FGF1: variants seen among roughly 807,000 people sequenced by gnomAD.
FGF1 encodes the protein fibroblast growth factor 1, also known as beta-endothelial cell growth factor.
FGF1 carries 9 observed loss-of-function variants against 13.4 expected under a neutral mutation model. That is an observed-to-expected ratio of 0.67 (90% confidence interval 0.40 to 1.17). FGF1 has a LOEUF of 1.17. FGF1 is among the 50% of genes most tolerant of loss of function. The pLI is 0.01. For synonymous variants in FGF1, 93 were observed against 79.0 expected (o/e 1.18, Z -0.94); for missense variants, 156 against 192.7 (o/e 0.81, Z 1.13).
In FGF1 at chr5:142,665,045, A is replaced by G. The variant is rs189687970; in HGVS notation, c.-35+20912T>C. ...GAAAAACAGTAACATTGCCTTATGT[A>G]ACAGTATTACATTTTATAAAAAGTG... On this transcript the variant is annotated intron_variant, in intron 1 of 3. Transcript: ENST00000337706. Among the ~76,000 whole-genome samples the G allele has an allele frequency of 5.6e-3, 854 of 152,344 alleles. 3 individuals are homozygous for G. The highest frequency in any genetic ancestry group is 6.5e-3 in the Non-Finnish European group (443 of 68,038).
intron 1 of FGF1, among the ~76,000 whole-genome samples, chr5:142,664,423 T>G (rs755162387): frequency 2.6e-5 from 4 of 152,216 alleles, no homozygotes; most frequent in Admixed American, 6.5e-5. Context: ...GTAGTGGTGA[T>G]ACAAAAGGGC....
intron 1 of FGF1, among the ~76,000 whole-genome samples, chr5:142,637,324 GTT>G (rs34766539): frequency 0.02 from 2,769 of 141,588 alleles, 65 homozygotes; most frequent in African/African-American, 0.04. Context: ...CGGCGTTTTT[GTT>G]TTTTTTTTTT....
upstream of FGF1, among the ~76,000 whole-genome samples, chr5:142,687,092 G>C (rs1751370202): frequency 6.6e-6 from 1 of 151,734 alleles, no homozygotes; most frequent in South Asian, 2.1e-4. Flanking sequence ...GCTTATGCAG[G>C]CGTTTGAGCC....
intron 1 of FGF1, among the ~76,000 whole-genome samples, chr5:142,645,292 G>T (rs1372788272): frequency 6.6e-6 from 1 of 152,214 alleles, no homozygotes; most frequent in East Asian, 1.9e-4. Flanking sequence ...TCATAGCAGG[G>T]CTTTTGAGCT....
intron 1 of FGF1, among the ~76,000 whole-genome samples, chr5:142,661,019 G>A (rs547949360): frequency 2.2e-4 from 33 of 152,188 alleles, no homozygotes; most frequent in Non-Finnish European, 4.0e-4. Context: ...GGGGGAAAAT[G>A]CATTGCTTCA....
chr5:142,665,958 C>A (rs538927965), intron 1 of FGF1, among the ~76,000 whole-genome samples: 1 of 152,152 alleles, frequency 6.6e-6, no homozygotes, highest in Non-Finnish European at 1.5e-5. Context: ...TCTGGCAAAC[C>A]CTTCTTTTTT....
chr5:142,631,939 A>G (rs1186192739), intron 1 of FGF1, among the ~76,000 whole-genome samples: 1 of 152,042 alleles, frequency 6.6e-6, no homozygotes, highest in Admixed American at 6.5e-5. Flanking sequence ...GTGTGCCACC[A>G]TGCCCAGCTA....
Position 142,614,085 on chromosome 5 carries a change from T to C in FGF1, c.43A>G (p.Lys15Glu), listed in dbSNP as rs1425477789. 1 of 1,614,088 alleles carries C rather than the reference T, an allele frequency of 6.2e-7. No individual in the cohort carries two copies. The highest frequency in any genetic ancestry group is 8.5e-7 in the Non-Finnish European group (1 of 1,180,030). Residue 15 changes from lysine to glutamate, a missense_variant, in exon 2 of 4, where the codon AAG becomes GAG. Physicochemically the swap from Lys to Glu is moderately conservative, Grantham distance 56 (BLOSUM62 1). Transcript: ENST00000337706. ...TAATTCCCTGGAGGCAGATTAAACT[T>C]CTCGGTCAGGGCTGTGAAGGTGGTG... is the stretch of plus-strand genomic sequence containing the variant. ...EITTFTALTE[K>E]FNLPPGNYKK...
intron 1 of FGF1, among the ~76,000 whole-genome samples, chr5:142,660,547 A>G (rs946357809): frequency 3.2e-4 from 48 of 152,234 alleles, no homozygotes; most frequent in African/African-American, 1.1e-3. Flanking sequence ...CTCAGCATCT[A>G]TATCACGCAG....
In FGF1 at chr5:142,670,845, C is replaced by T. The variant is rs140521245; in HGVS notation, c.-35+15112G>A. 2.4e-4 allele frequency among the ~76,000 whole-genome samples: 37 copies of T among 152,278 alleles called. No homozygotes were observed. In the East Asian group the frequency reaches 3.7e-3, roughly 15 times the overall value. On this transcript the variant is annotated intron_variant, in intron 1 of 3. Coordinates refer to ENST00000337706, the MANE Select transcript of FGF1 (RefSeq NM_000800.5). ...TTATCTGTGATCTCTAGGGCCATTT[C>T]GGTTTTGAGAGCACACTATTGCACA...
intron 1 of FGF1, among the ~76,000 whole-genome samples, chr5:142,659,444 G>C (rs556405957): frequency 2.2e-4 from 33 of 152,120 alleles, no homozygotes; most frequent in African/African-American, 7.0e-4. Flanking sequence ...GGCCAGGATG[G>C]TCTCAATCTC....
chr5:142,636,818 T>G (rs946978233), intron 1 of FGF1, among the ~76,000 whole-genome samples: 13 of 152,066 alleles, frequency 8.5e-5, no homozygotes, highest in African/African-American at 2.2e-4. Flanking sequence ...GAGTCCATTA[T>G]GGATGAGGGG....
In FGF1 at chr5:142,658,822, G is replaced by A. The variant is rs551813244; in HGVS notation, c.-35+27135C>T. 7.2e-5 allele frequency among the ~76,000 whole-genome samples: 11 copies of A among 152,276 alleles called. No homozygotes were observed. In the South Asian group the frequency reaches 1.7e-3, roughly 23 times the overall value. ...AGAGTTGCCGTCCTGGTACCTGTGT[G>A]CATGGTGCTCTGGGGATGCTTCTGC... On this transcript the variant is annotated intron_variant, in intron 1 of 3. Transcript: ENST00000337706.
At chr5:142,662,948 C>T (rs1349515164) in intron 1 of FGF1, among the ~76,000 whole-genome samples, 1 of 152,044 alleles carries the variant, frequency 6.6e-6, no homozygotes, top group Admixed American at 6.6e-5. Flanking sequence ...CTCAGCCTCC[C>T]AAGCAGCTGG....
chr5:142,627,814 A>G (rs150833469), intron 1 of FGF1, among the ~76,000 whole-genome samples: 84 of 152,220 alleles, frequency 5.5e-4, no homozygotes, highest in African/African-American at 1.8e-3. Flanking sequence ...TTCTTTTTGC[A>G]TTTTTTCTTT....
chr5:142,637,318 G>GT (rs1207270659), intron 1 of FGF1, among the ~76,000 whole-genome samples: 1 of 93,852 alleles, frequency 1.1e-5, no homozygotes, highest in African/African-American at 4.6e-5. Flanking sequence ...GAACCACGGC[G>GT]TTTTTGTTTT....
In FGF1 at chr5:142,593,350, C is replaced by T. The variant is rs1272519477; in HGVS notation, c.*1940G>A. 2.6e-5 allele frequency: 4 copies of T among 152,100 alleles called. No homozygotes were observed. Among genetic ancestry groups the T allele is most frequent in the Non-Finnish European group, 4.4e-5 (3 of 67,994 alleles). The allele number at this position is 152,100 out of a possible 1,614,324, so 9.4% of individuals were successfully genotyped here. ...ATTGATCTTATCCAAGTAACAAAAA[C>T]AAAAAAGTTATGAAATTATTTTGCT... On this transcript the variant is annotated 3_prime_UTR_variant, in exon 4 of 4. Coordinates refer to ENST00000337706, the MANE Select transcript of FGF1 (RefSeq NM_000800.5).
At chr5:142,653,888 T>TC (rs1228153701) in intron 1 of FGF1, among the ~76,000 whole-genome samples, 2 of 152,096 alleles carry the variant, frequency 1.3e-5, no homozygotes, top group Admixed American at 6.5e-5. Flanking sequence ...GTTCAAAAGA[T>TC]CAAGACCAGC....
chr5:142,654,775 G>A (rs992781143), intron 1 of FGF1, among the ~76,000 whole-genome samples: 1 of 152,312 alleles, frequency 6.6e-6, no homozygotes, highest in African/African-American at 2.4e-5. Context: ...CCTTCCAGGG[G>A]CCAATCTCCC....
Sources: allele counts gnomAD v4.1 joint callset (sites outside exome capture counted in the v4.1 genomes callset), GRCh38; gene constraint gnomAD v4.1.1; transcripts MANE v1.5; gene names NCBI Gene and HGNC (gene_info 2026-07-23, HGNC 2026-07-21).